Variants in LATS1 observed in about 807,000 individuals in gnomAD.
LATS1 encodes large tumor suppressor kinase 1.
In LATS1, 25 loss-of-function variants were observed where a neutral mutation model predicts 106.6. The ratio of observed to expected loss-of-function variants is 0.23; its 90% CI spans 0.17 to 0.33. The LOEUF (loss-of-function observed/expected upper bound fraction) is 0.33, where lower values mean the gene tolerates loss of function less well. Ranked by LOEUF, LATS1 falls within the 10% of genes least tolerant of loss-of-function variation. LATS1 has a pLI of 1.00. For missense variants in LATS1, 1,040 were observed against 1,382.6 expected (o/e 0.75, Z 3.93); for synonymous variants, 465 against 455.6 (o/e 1.02, Z -0.26).
intron 7 of LATS1, among the ~76,000 whole-genome samples, chr6:149,673,397 C>A (rs1781546825): frequency 2.6e-5 from 4 of 151,866 alleles, no homozygotes; most frequent in Admixed American, 2.6e-4. Flanking sequence ...CCGCGCCCAG[C>A]CCTTTTATTT....
chr6:149,662,202 G>C lies in LATS1; in HGVS notation c.2920C>G (p.Gln974Glu). ...NWQTSLHIPPQAKLSPEASDL... is the reference protein window; with the variant it reads ...NWQTSLHIPPEAKLSPEASDL... ...GAAGCTTCAGGACTGAGTTTAGCTT[G>C]TGGTGGAATGTGAAGAGATGTTTGC... Residue 974 changes from glutamine to glutamate, a missense_variant, in exon 8 of 8, where the codon CAA (glutamine) becomes GAA (glutamate). Around this residue, in one of 7 missense-constraint regions of LATS1, gnomAD observed 113 missense variants for 146.3 expected, o/e 0.77. Transcript: ENST00000543571. 6.2e-7 allele frequency: 1 copy of C among 1,611,984 alleles called. No homozygotes were observed. The highest frequency in any genetic ancestry group is 8.5e-7 in the Non-Finnish European group (1 of 1,179,752).
intron 3 of LATS1, among the ~76,000 whole-genome samples, chr6:149,687,555 A>C (rs1371051121): frequency 6.6e-6 from 1 of 151,840 alleles, no homozygotes; most frequent in Admixed American, 6.6e-5. Flanking sequence ...TCAGCCTTCC[A>C]AGTAGTTGGG....
chr6:149,668,983 G>A (rs565223400), intron 7 of LATS1, among the ~76,000 whole-genome samples: 1 of 151,846 alleles, frequency 6.6e-6, no homozygotes, highest in South Asian at 2.1e-4. Flanking sequence ...AGCATGCTAG[G>A]CTAATTAAAA....
At chr6:149,685,535 G>A (rs938977886) in intron 3 of LATS1, among the ~76,000 whole-genome samples, 36 of 151,934 alleles carry the variant, frequency 2.4e-4, no homozygotes, top group African/African-American at 6.8e-4. Flanking sequence ...ACAGGCGCAC[G>A]CCACCACGCC....
intron 1 of LATS1, among the ~76,000 whole-genome samples, chr6:149,716,036 T>A (rs1219140856): frequency 6.6e-6 from 1 of 151,836 alleles, no homozygotes; most frequent in Non-Finnish European, 1.5e-5. Context: ...TGCCTGGGTA[T>A]GACAGATCGC....
intron 2 of LATS1, among the ~76,000 whole-genome samples, chr6:149,700,319 C>G (rs904417794): frequency 2.0e-5 from 3 of 151,828 alleles, no homozygotes; most frequent in African/African-American, 7.3e-5. Flanking sequence ...ACTAAAAATA[C>G]AAAAATAGCC....
rs536908824 is a variant in LATS1 at position 149,699,537 on chromosome 6, A to C, written c.348+2242T>G. On this transcript the variant is annotated intron_variant, in intron 2 of 7. Coordinates refer to ENST00000543571, the MANE Select transcript of LATS1 (RefSeq NM_004690.4). ...TCATTATTTGGACAAACAGGGAATG[A>C]TAAATGTCTAAATACTTTCAATAAA... Among the ~76,000 whole-genome samples the C allele has an allele frequency of 2.5e-4, 38 of 152,346 alleles. 2 individuals carry two copies. In the South Asian group the frequency reaches 7.9e-3, roughly 32 times the overall value.
At chr6:149,705,138 A>G (rs1298379505) in intron 1 of LATS1, among the ~76,000 whole-genome samples, 1 of 152,012 alleles carries the variant, frequency 6.6e-6, no homozygotes, top group Non-Finnish European at 1.5e-5. Flanking sequence ...CACATATTCT[A>G]TCTATAACAT....
At chr6:149,712,263 T>C (rs1784148129) in intron 1 of LATS1, among the ~76,000 whole-genome samples, 1 of 152,158 alleles carries the variant, frequency 6.6e-6, no homozygotes, top group Non-Finnish European at 1.5e-5. Context: ...AATGGCGCGA[T>C]CTTGGCTCAC....
Position 149,683,858 on chromosome 6 carries a change from C to G in LATS1, c.1231G>C (p.Val411Leu), listed in dbSNP as rs1782200746. 2 of 1,614,060 alleles carry G rather than the reference C, an allele frequency of 1.2e-6. No individual in the cohort carries two copies. The highest frequency in any genetic ancestry group is 4.5e-5 in the East Asian group (2 of 44,888). Residue 411 changes from valine to leucine, a missense_variant, in exon 4 of 8, where the codon GTG (valine) becomes CTG (leucine). By Grantham distance (32) the Val-to-Leu change is conservative. Around this residue, in one of 7 missense-constraint regions of LATS1, gnomAD observed 624 missense variants for 714.8 expected, o/e 0.87. Transcript: ENST00000543571. ...TNGSIPQSMM[V>L]PNRNSHNMEL... ...ATGTTATGACTATTTCTGTTTGGCA[C>G]CATCATAGACTGAGGAATACTTCCA... is the stretch of plus-strand genomic sequence containing the variant.
intron 6 of LATS1, 30 bp downstream of exon 6, chr6:149,676,525 C>G: frequency 6.2e-7 from 1 of 1,603,938 alleles, no homozygotes; most frequent in Non-Finnish European, 8.5e-7. Flanking sequence ...TAAAGGTCTA[C>G]TGAGAATATA....
At chr6:149,702,963 G>A (rs1410369134) in intron 1 of LATS1, among the ~76,000 whole-genome samples, 12 of 150,586 alleles carry the variant, frequency 8.0e-5, no homozygotes, top group South Asian at 2.1e-4. Context: ...GTGAGCCACC[G>A]TGCCCAGCCT....
rs995436493 is a variant in LATS1, at chr6:149,661,246, G to A, written c.*483C>T. On this transcript the variant is annotated 3_prime_UTR_variant, in exon 8 of 8. Transcript: ENST00000543571. The stretch of plus-strand genomic sequence containing the variant: ...GCCTAGGAACACTCACCAACACGAT[G>A]GCTTAATTTCTCTAGCTTATTTTCT... 6 of 231,806 alleles carry A rather than the reference G, an allele frequency of 2.6e-5. No homozygotes were observed. Among genetic ancestry groups the A allele is most frequent in the African/African-American group, 1.3e-4 (6 of 45,192 alleles). 14.4% of individuals were successfully genotyped at this position (231,806 alleles called of 1,614,324 possible).
At chr6:149,688,249 A>G (rs1782520266) in intron 3 of LATS1, among the ~76,000 whole-genome samples, 1 of 151,736 alleles carries the variant, frequency 6.6e-6, no homozygotes, top group Admixed American at 6.6e-5. Flanking sequence ...TTCCCTCTCT[A>G]TTCTTTTTCT....
intron 3 of LATS1, among the ~76,000 whole-genome samples, chr6:149,694,321 T>A (rs188769472): frequency 7.9e-5 from 12 of 152,266 alleles, no homozygotes; most frequent in Admixed American, 2.6e-4. Flanking sequence ...AAGTATATGA[T>A]ACATCTTTTT....
intron 3 of LATS1, among the ~76,000 whole-genome samples, chr6:149,688,208 C>T (rs1423166850): frequency 6.6e-6 from 1 of 151,838 alleles, no homozygotes; most frequent in East Asian, 1.9e-4. Flanking sequence ...ACATTTTATC[C>T]AACTTAAATC....
chr6:149,717,974 G>T lies in LATS1; in HGVS notation c.-266C>A, dbSNP rs764735651. 18 of 365,102 alleles carry T rather than the reference G, an allele frequency of 4.9e-5. No homozygotes were observed. The highest frequency in any genetic ancestry group is 1.5e-4 in the East Asian group (1 of 6,578). 22.6% of individuals were successfully genotyped at this position (365,102 alleles called of 1,614,324 possible). ...GGCAGAGCGGGGAGACGAACGGGGG[G>T]GCTGCCGCGGGCCAGCGCGGCCCGT... On this transcript the variant is annotated 5_prime_UTR_variant, in exon 1 of 8. Coordinates refer to ENST00000543571, the MANE Select transcript of LATS1 (RefSeq NM_004690.4).
chr6:149,687,755 G>C (rs960751043), intron 3 of LATS1, among the ~76,000 whole-genome samples: 1 of 151,748 alleles, frequency 6.6e-6, no homozygotes, highest in Non-Finnish European at 1.5e-5. Flanking sequence ...TTTTTGTAGA[G>C]ACGGGGTCTC....
intron 1 of LATS1, among the ~76,000 whole-genome samples, chr6:149,715,109 C>A (rs115146813): frequency 6.6e-6 from 1 of 152,012 alleles, no homozygotes; most frequent in African/African-American, 2.4e-5. Flanking sequence ...GTCTCACTGT[C>A]GCAGGCTGGA....
Sources: allele counts gnomAD v4.1 joint callset (sites outside exome capture counted in the v4.1 genomes callset), GRCh38; gene constraint gnomAD v4.1.1; regional missense constraint gnomAD v4.1.1; transcripts MANE v1.5; gene names NCBI Gene and HGNC (gene_info 2026-07-23, HGNC 2026-07-21).